CELF2: variants seen among roughly 807,000 people sequenced by gnomAD.
The protein encoded by CELF2 is CUG triplet repeat RNA-binding protein 2.
CELF2 carries 8 observed loss-of-function variants against 62.6 expected under a neutral mutation model. That is an observed-to-expected ratio of 0.13 (90% CI 0.07 to 0.23). The LOEUF is 0.23. Among genes scored for constraint, CELF2 ranks in the 10% least tolerant of loss-of-function variants. The pLI is 1.00. For synonymous variants in CELF2, 258 were observed against 250.0 expected (o/e 1.03, Z -0.30); for missense variants, 333 against 671.0 (o/e 0.50, Z 5.56).
the CELF2 span, among the ~76,000 whole-genome samples, chr10:10,508,566 T>C: frequency 6.6e-6 from 1 of 152,112 alleles, no homozygotes; most frequent in Admixed American, 6.5e-5. Context: ...TTCCCAATAG[T>C]CCACAGGGAG....
chr10:10,543,848 A>G, the CELF2 span, among the ~76,000 whole-genome samples: 1 of 152,146 alleles, frequency 6.6e-6, no homozygotes, highest in Non-Finnish European at 1.5e-5. Flanking sequence ...GTCAGGTACC[A>G]TCTTGCATTG....
At chr10:11,142,601 G>A (rs1041938173) in intron 1 of CELF2, among the ~76,000 whole-genome samples, 1 of 149,934 alleles carries the variant, frequency 6.7e-6, no homozygotes, top group Non-Finnish European at 1.5e-5. Context: ...GGAGAATGGC[G>A]TGAACCCGGG....
At chr10:10,690,779 C>A in the CELF2 span, among the ~76,000 whole-genome samples, 1 of 152,112 alleles carries the variant, frequency 6.6e-6, no homozygotes, top group Non-Finnish European at 1.5e-5. Context: ...ACTCAGGAGG[C>A]TGAGGCATGA....
At chr10:10,810,133 C>T (rs1310378295) in intron 1 of CELF2, among the ~76,000 whole-genome samples, 4 of 152,208 alleles carry the variant, frequency 2.6e-5, no homozygotes, top group African/African-American at 4.8e-5. Flanking sequence ...ACCTTACATA[C>T]ATGCATAAAC....
chr10:11,237,164 C>T lies in CELF2; in HGVS notation c.355-11989C>T, dbSNP rs1370935069. On this transcript the variant is annotated intron_variant, in intron 3 of 12. Transcript: ENST00000633077. The surrounding 1 kb of genome is among the most constrained non-coding windows in gnomAD (Gnocchi z 4.0). ...ATGAAAACCTCACTAGGGCTGTAGC[C>T]GTGGAAATAGAAAAGTCTATGAGAA... 2.6e-5 allele frequency among the ~76,000 whole-genome samples: 4 copies of T among 151,718 alleles called. No homozygotes were observed. The highest frequency in any genetic ancestry group is 2.1e-4 in the South Asian group (1 of 4,794).
At chr10:10,650,987 A>ACAGTGGGCGCAGGC in the CELF2 span, among the ~76,000 whole-genome samples, 1 of 151,994 alleles carries the variant, frequency 6.6e-6, no homozygotes, top group African/African-American at 2.4e-5. Flanking sequence ...GGAGTGCCAG[A>ACAGTGGGCGCAGGC]CAGTGGGCGC....
chr10:10,728,939 A>G, the CELF2 span, among the ~76,000 whole-genome samples: 1 of 152,336 alleles, frequency 6.6e-6, no homozygotes, highest in South Asian at 2.1e-4. Flanking sequence ...TAAACTGAAC[A>G]TATGTTGCTC....
chr10:11,207,012 A>G lies in CELF2; in HGVS notation c.272-10413A>G, dbSNP rs752905057. 1.3e-5 allele frequency among the ~76,000 whole-genome samples: 2 copies of G among 152,254 alleles called. No individual in the cohort carries two copies. Among genetic ancestry groups the G allele is most frequent in the Non-Finnish European group, 2.9e-5 (2 of 68,050 alleles). ...ATGCTGAAATTCTTCCAATGCTTTCATAGCTATTAGACAATTGAAATGGTT... is the reference window on the plus strand; with the variant it reads ...ATGCTGAAATTCTTCCAATGCTTTCGTAGCTATTAGACAATTGAAATGGTT... On this transcript the variant is annotated intron_variant, in intron 2 of 12. Coordinates refer to ENST00000633077, the MANE Select transcript of CELF2 (RefSeq NM_001326342.2). This position sits in a 1 kb window ranked among gnomAD's most constrained non-coding sequence, Gnocchi z 4.1.
At chr10:10,645,119 G>A in the CELF2 span, among the ~76,000 whole-genome samples, 1 of 152,188 alleles carries the variant, frequency 6.6e-6, no homozygotes, top group Admixed American at 6.5e-5. Flanking sequence ...ACAGTAGGGT[G>A]CCATGTAGCT....
chr10:11,232,526 C>T (rs1181059576), intron 3 of CELF2, among the ~76,000 whole-genome samples: 1 of 152,174 alleles, frequency 6.6e-6, no homozygotes, highest in African/African-American at 2.4e-5. Context: ...GCTCTGGACT[C>T]AGTCCAGTTG....
rs61830441 is a variant in CELF2, at chr10:11,086,232, G to C, written c.74+68069G>C. 2.6e-3 allele frequency among the ~76,000 whole-genome samples: 393 copies of C among 152,198 alleles called. 1 individual carries two copies. The highest frequency in any genetic ancestry group is 4.6e-3 in the Non-Finnish European group (310 of 68,010). On this transcript the variant is annotated intron_variant, in intron 1 of 12. Coordinates refer to ENST00000633077, the MANE Select transcript of CELF2 (RefSeq NM_001326342.2). The stretch of plus-strand genomic sequence containing the variant: ...AGCTATAGGGCAGCTCCACTGAGGA[G>C]AGAGCGGAATCTCCCCAGTTGAGCA...
At chr10:11,043,554 G>A (rs1027878826) in intron 1 of CELF2, among the ~76,000 whole-genome samples, 1 of 152,046 alleles carries the variant, frequency 6.6e-6, no homozygotes, top group African/African-American at 2.4e-5. Context: ...TTGCATCGCA[G>A]ACTTCCGTGT....
rs1347648280 is a variant in CELF2 at position 11,214,934 on chromosome 10, GTCCTTTCTTCCT to G, written c.272-2482_272-2471del. On this transcript the variant is annotated intron_variant, in intron 2 of 12. Transcript: ENST00000633077. This position sits in a 1 kb window ranked among gnomAD's most constrained non-coding sequence, Gnocchi z 4.2. ...CCCATCTCCCCTTCTGTATGTTTGA[GTCCTTTCTTCCT>G]TCCTTTCTCCTATTCACCTGCCATC... Among the ~76,000 whole-genome samples, 2 of 152,150 alleles carry G rather than the reference GTCCTTTCTTCCT, an allele frequency of 1.3e-5. No homozygotes were observed. The highest frequency in any genetic ancestry group is 2.9e-5 in the Non-Finnish European group (2 of 68,014).
intron 12 of CELF2, among the ~76,000 whole-genome samples, chr10:11,326,546 C>G (rs566480264): frequency 1.4e-4 from 21 of 152,346 alleles, no homozygotes; most frequent in African/African-American, 4.8e-4. Context: ...AGAGACTCAG[C>G]TGCCATGCCC....
rs1056472454 is a variant in CELF2, at chr10:11,290,341, C to T, written c.976+1789C>T. ...CTGAGTTCCGTGACGGAAGCCATGG[C>T]GCGTGTTGAGGCAGAGGACAGAGCC... On this transcript the variant is annotated intron_variant, in intron 9 of 12. Transcript: ENST00000633077. The surrounding 1 kb of genome is among the most constrained non-coding windows in gnomAD (Gnocchi z 4.3). Among the ~76,000 whole-genome samples, 2 of 151,992 alleles carry T rather than the reference C, an allele frequency of 1.3e-5. No individual in the cohort carries two copies. The highest frequency in any genetic ancestry group is 4.8e-5 in the African/African-American group (2 of 41,376).
chr10:11,270,844 G>T lies in CELF2; in HGVS notation c.777+20G>T. ...CTGGCGGTAAGTGCTGGGCAATGCC[G>T]GCGTGGTCTTCACCCGCTGAAACTC... On this transcript the variant is annotated intron_variant, in intron 7 of 12. Coordinates refer to ENST00000633077, the MANE Select transcript of CELF2 (RefSeq NM_001326342.2). The surrounding 1 kb of genome is among the most constrained non-coding windows in gnomAD (Gnocchi z 5.8). 2 of 1,350,158 alleles carry T rather than the reference G, an allele frequency of 1.5e-6. No homozygotes were observed. Among genetic ancestry groups the T allele is most frequent in the African/African-American group, 3.0e-5 (2 of 66,904 alleles). The allele number at this position is 1,350,158 out of a possible 1,614,324, so 83.6% of individuals were successfully genotyped here. A position where few individuals can be genotyped will look rare whatever the true frequency, so the allele number is the denominator to read the frequency against.
At chr10:10,978,502 G>A (rs1274758729) in intron 2 of CELF2, among the ~76,000 whole-genome samples, 7 of 152,174 alleles carry the variant, frequency 4.6e-5, no homozygotes, top group African/African-American at 7.2e-5. Context: ...GGTCTCTGAC[G>A]TGGTTTGTGT....
intron 2 of CELF2, among the ~76,000 whole-genome samples, chr10:10,976,610 T>C (rs2136284272): frequency 6.6e-6 from 1 of 152,338 alleles, no homozygotes; most frequent in East Asian, 1.9e-4. Context: ...TGGTTCCATT[T>C]CTGATTCTCA....
rs766853147 is a variant in CELF2, at chr10:10,947,826, G to A, written c.89+27827G>A. Among the ~76,000 whole-genome samples, 60 of 152,296 alleles carry A rather than the reference G, an allele frequency of 3.9e-4. No individual in the cohort carries two copies. The highest frequency in any genetic ancestry group is 5.3e-4 in the Non-Finnish European group (36 of 68,020). ...AAATGCTTCTAGTATGGGGCCATAGGAAAGTCTTCATGAAGAGTGTATTGG... is the reference window on the plus strand; with the variant it reads ...AAATGCTTCTAGTATGGGGCCATAGAAAAGTCTTCATGAAGAGTGTATTGG... On this transcript the variant is annotated intron_variant, in intron 2 of 13. Coordinates refer to the CELF2 transcript ENST00000636488. The surrounding 1 kb of genome is among the most constrained non-coding windows in gnomAD (Gnocchi z 4.1).
Sources: allele counts gnomAD v4.1 joint callset (sites outside exome capture counted in the v4.1 genomes callset), GRCh38; gene constraint gnomAD v4.1.1; non-coding constraint Gnocchi (gnomAD v3.1); transcripts MANE v1.5; gene names NCBI Gene and HGNC (gene_info 2026-07-23, HGNC 2026-07-21).